The following VPS13A variants were observed in gnomAD, a reference collection of about 807,000 sequenced individuals.
The protein encoded by VPS13A is intermembrane lipid transfer protein VPS13A.
Under a neutral mutation model 390.9 loss-of-function variants are expected in VPS13A, and 264 were observed. The ratio of observed to expected loss-of-function variants is 0.68; its 90% CI spans 0.61 to 0.75. The LOEUF (loss-of-function observed/expected upper bound fraction) is 0.75. Ranked by LOEUF, VPS13A falls within the 30% of genes least tolerant of loss-of-function variation. The pLI is 0.00. For missense variants in VPS13A, 3,409 were observed against 3,733.9 expected, an observed-to-expected ratio of 0.91 and a Z score of 2.27; for synonymous variants, 1,231 against 1,227.1, an observed-to-expected ratio of 1.00 and a Z score of -0.07.
intron 23 of VPS13A, 39 bp downstream of exon 23, chr9:77,260,263 G>T: frequency 6.4e-7 from 1 of 1,568,994 alleles, no homozygotes; most frequent in Non-Finnish European, 8.7e-7. Flanking sequence ...CATGAATTAA[G>T]AAAGTCCACA....
intron 7 of VPS13A, among the ~76,000 whole-genome samples, chr9:77,212,559 C>T (rs963627691): frequency 2.6e-5 from 4 of 152,104 alleles, no homozygotes; most frequent in African/African-American, 4.8e-5. Context: ...TTGTCTCAAA[C>T]TCCTGGCCTC....
intron 67 of VPS13A, 123 bp from the exon 68 acceptor site, chr9:77,381,853 A>G: frequency 1.5e-6 from 1 of 678,674 alleles, no homozygotes; most frequent in Non-Finnish European, 2.5e-6. Flanking sequence ...AAACAATTTA[A>G]AATTAGAGAA....
rs78465058 is a variant in VPS13A at position 77,374,832 on chromosome 9, A to G, written c.9077+3683A>G. ...AGATGATAAAATTAATGTTAATTAG[A>G]CCCATCTTAGAAAGTTAGGTGGGTG... On this transcript the variant is annotated intron_variant, in intron 67 of 71. Transcript: ENST00000360280. 3.1e-3 allele frequency among the ~76,000 whole-genome samples: 472 copies of G among 152,182 alleles called. 2 individuals are homozygous for G. The highest frequency in any genetic ancestry group is 0.011 in the African/African-American group (462 of 41,544).
intron 46 of VPS13A, among the ~76,000 whole-genome samples, chr9:77,334,900 G>A (rs1830462701): frequency 6.6e-6 from 1 of 152,178 alleles, no homozygotes; most frequent in Non-Finnish European, 1.5e-5. Context: ...AGTCAGGTAA[G>A]AAGGAAGTCT....
intron 39 of VPS13A, among the ~76,000 whole-genome samples, chr9:77,317,205 A>T (rs1401516774): frequency 6.6e-6 from 1 of 152,058 alleles, no homozygotes; most frequent in Non-Finnish European, 1.5e-5. Flanking sequence ...TTGGCCCTCC[A>T]CTAAGCAAAG....
chr9:77,296,159 T>C (rs1335880200), intron 33 of VPS13A, among the ~76,000 whole-genome samples: 1 of 152,236 alleles, frequency 6.6e-6, no homozygotes, highest in African/African-American at 2.4e-5. Context: ...ATGAGGAATT[T>C]CTAATGTAAT....
chr9:77,344,158 C>T lies in VPS13A; in HGVS notation c.7032C>T (p.Ile2344=). 2 of 1,594,404 alleles carry T rather than the reference C, an allele frequency of 1.3e-6. No homozygotes were observed. Among genetic ancestry groups the T allele is most frequent in the South Asian group, 1.1e-5 (1 of 90,590 alleles). The change falls in exon 51 of 72, where the codon ATC becomes ATT. Residue 2344 remains isoleucine (I), a synonymous_variant. Transcript: ENST00000360280. The part of the protein sequence containing the change: ...KWLSLDLEQC[I]PFWPEYASSK... Reference sequence around the variant, plus strand: ...ATATATAATGTATATTTTAGTGTATCCCCTTTTGGCCTGAGTATGCTTCTA... The same window carrying T: ...ATATATAATGTATATTTTAGTGTATTCCCTTTTGGCCTGAGTATGCTTCTA...
At chr9:77,196,994 C>T (rs1003494229) in intron 1 of VPS13A, among the ~76,000 whole-genome samples, 5 of 152,170 alleles carry the variant, frequency 3.3e-5, no homozygotes, top group Non-Finnish European at 4.4e-5. Context: ...TCCACAGTCA[C>T]ACCAGCATTT....
At chr9:77,365,655 A>G in intron 60 of VPS13A, 82 bp downstream of exon 60, 1 of 821,864 alleles carries the variant, frequency 1.2e-6, no homozygotes. Context: ...TTCTTCAGTA[A>G]TATATAAAAT....
At chr9:77,241,199 C>T (rs538661266) in intron 19 of VPS13A, among the ~76,000 whole-genome samples, 1 of 152,068 alleles carries the variant, frequency 6.6e-6, no homozygotes, top group Non-Finnish European at 1.5e-5. Flanking sequence ...ACTTCTGTAT[C>T]CTGCTTTCTT....
At chr9:77,178,075 G>T (rs893456306) in intron 1 of VPS13A, 1 of 393,772 alleles carries the variant, frequency 2.5e-6, no homozygotes, top group Non-Finnish European at 4.8e-6. Context: ...CTTGCCGTGG[G>T]CTCCGTGGGT....
At chr9:77,382,466 A>T in intron 68 of VPS13A, 1 of 1,354,840 alleles carries the variant, frequency 7.4e-7, no homozygotes, top group Non-Finnish European at 9.5e-7. Context: ...GGGTGTTCTT[A>T]GTTCTGCACT....
intron 23 of VPS13A, among the ~76,000 whole-genome samples, chr9:77,266,471 G>C (rs1463069829): frequency 6.6e-6 from 1 of 152,120 alleles, no homozygotes; most frequent in Non-Finnish European, 1.5e-5. Context: ...TATTCTTTAA[G>C]AATGTTGAAT....
intron 5 of VPS13A, among the ~76,000 whole-genome samples, chr9:77,206,344 T>TATATAC (rs1554859695): frequency 3.3e-5 from 5 of 149,278 alleles, no homozygotes; most frequent in Non-Finnish European, 5.9e-5. Context: ...TATATATATA[T>TATATAC]ACACACACAC....
At chr9:77,315,616 G>A in intron 38 of VPS13A, 146 bp downstream of exon 38, 1 of 843,772 alleles carries the variant, frequency 1.2e-6, no homozygotes, top group African/African-American at 1.7e-5. Context: ...ACCTTAATGT[G>A]TTTTCTTGGA....
chr9:77,220,021 C>T lies in VPS13A; in HGVS notation c.822C>T (p.Ala274=), dbSNP rs534232201. The change falls in exon 11 of 72, where the codon GCC becomes GCT. Residue 274 remains alanine (A), a synonymous_variant. Coordinates refer to ENST00000360280, the MANE Select transcript of VPS13A (RefSeq NM_033305.3). ...GCCGATCTGATTTTGACTTTTCTGC[C>T]CCCAAAATAAACTTGGAAATTGAGT... ...MNRRSDFDFS[A]PKINLEIELH... 3.7e-6 allele frequency: 6 copies of T among 1,613,060 alleles called. No individual in the cohort carries two copies. The East Asian group carries it at 1.3e-4, about 36-fold the overall frequency.
At chr9:77,219,639 A>G (rs900770236) in intron 10 of VPS13A, among the ~76,000 whole-genome samples, 6 of 152,106 alleles carry the variant, frequency 3.9e-5, no homozygotes, top group Middle Eastern at 3.2e-3. Flanking sequence ...AAAACTGTGT[A>G]CTTGTATTAA....
At chr9:77,366,562 A>G (rs1832441501) in intron 60 of VPS13A, among the ~76,000 whole-genome samples, 165 bp from the exon 61 acceptor site, 1 of 152,122 alleles carries the variant, frequency 6.6e-6, no homozygotes. Context: ...GCTATGTTAG[A>G]TTTTAAATTT....
chr9:77,341,691 C>CTTTTTTTTTTTTGTTTTTTT (rs1830825219), intron 50 of VPS13A, among the ~76,000 whole-genome samples: 1 of 37,822 alleles, frequency 2.6e-5, no homozygotes, highest in South Asian at 1.3e-3. Context: ...GACATCTTTC[C>CTTTTTTTTTTTTGTTTTTTT]TTTTTTTTTT....
Sources: allele counts gnomAD v4.1 joint callset (sites outside exome capture counted in the v4.1 genomes callset), GRCh38; gene constraint gnomAD v4.1.1; transcripts MANE v1.5; gene names NCBI Gene and HGNC (gene_info 2026-07-23, HGNC 2026-07-21).